DOCK5: variants seen among roughly 807,000 people sequenced by gnomAD.
The protein encoded by DOCK5 is dedicator of cytokinesis 5, also known as dedicator of cytokinesis protein 5.
In DOCK5, 142 loss-of-function variants were observed where a neutral mutation model predicts 251.8. The ratio of observed to expected loss-of-function variants is 0.56; its 90% CI spans 0.49 to 0.65. DOCK5 has a LOEUF of 0.65. DOCK5 is among the 30% of genes least tolerant of loss of function. DOCK5 has a pLI of 0.00. For missense variants in DOCK5, 2,111 were observed against 2,312.3 expected (o/e 0.91, Z 1.79); for synonymous variants, 842 against 835.5 (o/e 1.01, Z -0.13).
At chr8:25,373,293 C>T (rs867027549) in intron 35 of DOCK5, among the ~76,000 whole-genome samples, 13 of 152,130 alleles carry the variant, frequency 8.5e-5, no homozygotes, top group African/African-American at 2.4e-4. Flanking sequence ...CCACCGCACC[C>T]GGCTGGATAG....
At chr8:25,232,784 C>G (rs1292682074) in intron 1 of DOCK5, among the ~76,000 whole-genome samples, 1 of 152,146 alleles carries the variant, frequency 6.6e-6, no homozygotes, top group East Asian at 1.9e-4. Context: ...GACAAACATT[C>G]AGTCTGTAAC....
intron 26 of DOCK5, among the ~76,000 whole-genome samples, chr8:25,347,041 A>G (rs964163113): frequency 2.0e-5 from 3 of 152,184 alleles, no homozygotes; most frequent in African/African-American, 4.8e-5. Flanking sequence ...AGGTGTTCCC[A>G]CAGAACAGGA....
chr8:25,395,448 C>A (rs1801329363), intron 44 of DOCK5, 95 bp from the exon 45 acceptor site: 3 of 1,318,086 alleles, frequency 2.3e-6, no homozygotes, highest in African/African-American at 1.5e-5. Flanking sequence ...AGCTTGTGGG[C>A]ATTTTATACC....
chr8:25,193,423 A>G (rs1246872312), intron 1 of DOCK5, among the ~76,000 whole-genome samples: 1 of 150,388 alleles, frequency 6.6e-6, no homozygotes, highest in African/African-American at 2.5e-5. Context: ...GCACTGTAGC[A>G]CTATGCTTGG....
chr8:25,212,003 AC>A (rs200683658), intron 1 of DOCK5, among the ~76,000 whole-genome samples: 1,282 of 67,430 alleles, frequency 0.019, 359 homozygotes, highest in African/African-American at 0.04. Flanking sequence ...TACTGAAAAT[AC>A]AAAAAAATTA....
At chr8:25,317,256 T>C (rs1805277461) in intron 14 of DOCK5, 125 bp downstream of exon 14, 1 of 1,439,006 alleles carries the variant, frequency 6.9e-7, no homozygotes. Context: ...AGAAAAGAAA[T>C]ATAAAGCCTG....
At position 25,303,511 on chromosome 8, in the gene DOCK5, C is replaced by T. The variant is rs564817699; in HGVS notation, c.977-744C>T. Among the ~76,000 whole-genome samples, 14 of 152,282 alleles carry T rather than the reference C, an allele frequency of 9.2e-5. No individual in the cohort carries two copies. In the South Asian group the frequency reaches 2.9e-3, roughly 32 times the overall value. On this transcript the variant is annotated intron_variant, in intron 10 of 51. Transcript: ENST00000276440. ...CTGCTTAAACGCCCAGCATCTTCCT[C>T]TGTAGTTTGTTCAATTGAGGAAATA...
chr8:25,264,229 G>A (rs1803670369), intron 2 of DOCK5, among the ~76,000 whole-genome samples: 1 of 151,596 alleles, frequency 6.6e-6, no homozygotes, highest in Non-Finnish European at 1.5e-5. Context: ...GGGCATGGTG[G>A]CATGCACCTG....
intron 7 of DOCK5, among the ~76,000 whole-genome samples, chr8:25,297,862 T>C (rs78561007): frequency 0.019 from 2,869 of 151,862 alleles, 78 homozygotes; most frequent in African/African-American, 0.063. Flanking sequence ...ACTGGGCAAA[T>C]AGTGACATAG....
rs896016927 is a variant in DOCK5, at chr8:25,395,563, G to C, written c.4548G>C (p.Glu1516Asp). Residue 1516 changes from glutamate (E) to aspartate (D), a missense_variant, in exon 45 of 52, where the codon GAG (glutamate) becomes GAC (aspartate). By Grantham distance (45) the Glu-to-Asp change is conservative (BLOSUM62 2). Transcript: ENST00000276440. ...CTCAGGAAGAGATCAGTCCTCTGGA[G>C]AATGCCATCGAAACCATGGAGCTGA... Reference protein sequence around the residue: ...QISTEEISPLENAIETMELTN... With the variant: ...QISTEEISPLDNAIETMELTN... 4 of 1,613,318 alleles carry C rather than the reference G, an allele frequency of 2.5e-6. No individual in the cohort carries two copies. Among genetic ancestry groups the C allele is most frequent in the Non-Finnish European group, 2.5e-6 (3 of 1,179,746 alleles).
At chr8:25,225,903 G>A (rs1802519276) in intron 1 of DOCK5, among the ~76,000 whole-genome samples, 1 of 152,118 alleles carries the variant, frequency 6.6e-6, no homozygotes, top group Middle Eastern at 3.2e-3. Context: ...AGAGTGAATG[G>A]GGAGTTATTG....
At position 25,269,615 on chromosome 8, in the gene DOCK5, C is replaced by T. The variant is rs116642792; in HGVS notation, c.168+730C>T. Among the ~76,000 whole-genome samples, 485 of 152,298 alleles carry T rather than the reference C, an allele frequency of 3.2e-3. 7 individuals carry two copies. The highest frequency in any genetic ancestry group is 0.011 in the African/African-American group (466 of 41,572). Reference sequence around the variant, plus strand: ...TTTTGCCAGTGCCAAAACTACTAATCGTCAGGCTAAAGAAAATCTATTAAT... The same window carrying T: ...TTTTGCCAGTGCCAAAACTACTAATTGTCAGGCTAAAGAAAATCTATTAAT... On this transcript the variant is annotated intron_variant, in intron 3 of 51. Transcript: ENST00000276440.
intron 1 of DOCK5, among the ~76,000 whole-genome samples, chr8:25,188,113 A>G (rs1801478461): frequency 6.6e-6 from 1 of 152,186 alleles, no homozygotes; most frequent in Non-Finnish European, 1.5e-5. Context: ...TGGTAATTGA[A>G]TGCAGTTTTT....
Position 25,392,918 on chromosome 8 carries a change from TTC to T in DOCK5, c.4527+38_4527+39del, listed in dbSNP as rs755031560. ...TGAAATTGGCATTTAGAAAAAAACT[TTC>T]TGTTTCCAAATATAATAACAGCCTT... is the stretch of plus-strand genomic sequence containing the variant. On this transcript the variant is annotated intron_variant, in intron 44 of 51. Transcript: ENST00000276440. 3.3e-6 allele frequency: 5 copies of T among 1,525,568 alleles called. No individual in the cohort carries two copies. The East Asian group carries it at 9.3e-5, about 28-fold the overall frequency. The allele number at this position is 1,525,568 out of a possible 1,614,324, so 94.5% of individuals were successfully genotyped here.
At chr8:25,317,309 A>C (rs551542220) in intron 14 of DOCK5, 178 bp downstream of exon 14, 2 of 817,880 alleles carry the variant, frequency 2.4e-6, no homozygotes, top group Non-Finnish European at 3.8e-6. Context: ...TAAGGAAGCT[A>C]TCTAGACTCT....
chr8:25,361,104 TG>T (rs1437083904), intron 28 of DOCK5, among the ~76,000 whole-genome samples: 1 of 152,118 alleles, frequency 6.6e-6, no homozygotes, highest in Admixed American at 6.6e-5. Flanking sequence ...TGAAGGCCCT[TG>T]GGAAGTGGTG....
chr8:25,381,677 T>C (rs959415691), intron 39 of DOCK5, among the ~76,000 whole-genome samples: 8 of 151,960 alleles, frequency 5.3e-5, no homozygotes, highest in African/African-American at 1.5e-4. Context: ...ATATTAGTAA[T>C]GTAACATGTT....
chr8:25,245,068 A>T (rs537323263), intron 2 of DOCK5, among the ~76,000 whole-genome samples: 37 of 151,952 alleles, frequency 2.4e-4, no homozygotes, highest in Non-Finnish European at 4.9e-4. Context: ...TTATTTATTT[A>T]TTTTTTGAGA....
chr8:25,321,135 C>T (rs1165308955), intron 16 of DOCK5, 83 bp downstream of exon 16: 2 of 1,205,050 alleles, frequency 1.7e-6, no homozygotes, highest in East Asian at 4.9e-5. Context: ...AGCTGGAGAA[C>T]AAGATATTTG....
Sources: gnomAD v4.1 joint callset for allele counts (sites outside exome capture counted in the v4.1 genomes callset) on GRCh38, gnomAD v4.1.1 for gene constraint, MANE v1.5 for transcripts, NCBI Gene and HGNC (gene_info 2026-07-23, HGNC 2026-07-21) for gene names.